CNTN5: variants seen among roughly 807,000 people sequenced by gnomAD.
The protein encoded by CNTN5 is contactin 5, also known as contactin-5.
A neutral mutation model predicts 129.1 loss-of-function variants in CNTN5; 77 were observed. The ratio of observed to expected loss-of-function variants is 0.60; its 90% CI spans 0.50 to 0.72. CNTN5 has a LOEUF of 0.72. CNTN5 is among the 30% of genes least tolerant of loss of function. CNTN5 has a pLI of 0.00. For synonymous variants in CNTN5, 509 were observed against 465.6 expected (o/e 1.09, Z -1.20); for missense variants, 1,478 against 1,328.8 (o/e 1.11, Z -1.75).
intron 3 of CNTN5, among the ~76,000 whole-genome samples, chr11:99,761,924 C>T (rs1202553878): frequency 9.3e-6 from 1 of 107,656 alleles, no homozygotes; most frequent in Non-Finnish European, 2.1e-5. Context: ...TCTCCAGCAC[C>T]TGTTGTTTCC....
intron 16 of CNTN5, among the ~76,000 whole-genome samples, chr11:100,239,391 T>C (rs528881508): frequency 1.3e-5 from 2 of 152,324 alleles, no homozygotes; most frequent in East Asian, 3.9e-4. Flanking sequence ...ATATCAGTGA[T>C]AATCATCACT....
chr11:99,772,671 A>G (rs1415577135), intron 3 of CNTN5, among the ~76,000 whole-genome samples: 1 of 152,100 alleles, frequency 6.6e-6, no homozygotes, highest in Non-Finnish European at 1.5e-5. Flanking sequence ...TTTCTTTTTC[A>G]TTTCAACATG....
intron 2 of CNTN5, among the ~76,000 whole-genome samples, chr11:99,454,820 G>T (rs1199564236): frequency 6.6e-6 from 1 of 151,822 alleles, no homozygotes; most frequent in Non-Finnish European, 1.5e-5. Context: ...TGGCTATGAA[G>T]GATACTGTGG....
intron 8 of CNTN5, among the ~76,000 whole-genome samples, chr11:99,974,669 G>A (rs1481963084): frequency 4.6e-5 from 7 of 152,136 alleles, no homozygotes; most frequent in Non-Finnish European, 7.3e-5. Context: ...TGATCTGTCG[G>A]AATGACAGAA....
In CNTN5 at chr11:99,325,151, A is replaced by G. The variant is rs1008412056; in HGVS notation, c.-209-195A>G. 2.6e-5 allele frequency among the ~76,000 whole-genome samples: 4 copies of G among 152,068 alleles called. No individual in the cohort carries two copies. The South Asian group carries it at 6.2e-4, about 24-fold the overall frequency. On this transcript the variant is annotated intron_variant, in intron 1 of 24. Coordinates refer to ENST00000524871, the MANE Select transcript of CNTN5 (RefSeq NM_014361.4). Reference sequence around the variant, plus strand: ...AATATAAATTATAAAGGAAAAATACATCTGAAAAAGCAACTACATAAATAT... The same window carrying G: ...AATATAAATTATAAAGGAAAAATACGTCTGAAAAAGCAACTACATAAATAT...
intron 3 of CNTN5, among the ~76,000 whole-genome samples, chr11:99,808,619 T>A (rs1385845967): frequency 6.6e-6 from 1 of 152,160 alleles, no homozygotes; most frequent in African/African-American, 2.4e-5. Context: ...GGGACTTCAA[T>A]AACTAACTCA....
At chr11:99,649,741 TA>T (rs1952087087) in intron 3 of CNTN5, among the ~76,000 whole-genome samples, 1 of 93,550 alleles carries the variant, frequency 1.1e-5, no homozygotes, top group Middle Eastern at 6.4e-3. Flanking sequence ...AGTGAAACAT[TA>T]AGTTTTTTTC....
intron 2 of CNTN5, among the ~76,000 whole-genome samples, chr11:99,545,247 G>T (rs17589744): frequency 6.6e-6 from 1 of 152,136 alleles, no homozygotes; most frequent in Admixed American, 6.5e-5. Context: ...CATTGCCTTG[G>T]AATTATTTAC....
chr11:99,716,130 C>G (rs609652), intron 3 of CNTN5, among the ~76,000 whole-genome samples: 42,537 of 151,848 alleles, frequency 0.28, 6,418 homozygotes, highest in Middle Eastern at 0.45. Flanking sequence ...ACTAATATGT[C>G]TCATATTTTC....
intron 3 of CNTN5, among the ~76,000 whole-genome samples, chr11:99,658,351 A>C (rs1952458936): frequency 6.6e-6 from 1 of 152,156 alleles, no homozygotes; most frequent in African/African-American, 2.4e-5. Context: ...ATAGAGTCAG[A>C]GCTAAAAGTC....
intron 1 of CNTN5, among the ~76,000 whole-genome samples, chr11:99,044,619 G>C (rs953998266): frequency 4.6e-5 from 7 of 152,114 alleles, no homozygotes; most frequent in African/African-American, 9.7e-5. Context: ...TTTTGCCACA[G>C]AATTCTGAGA....
chr11:99,117,563 T>C (rs899302362), intron 1 of CNTN5, among the ~76,000 whole-genome samples: 1 of 152,296 alleles, frequency 6.6e-6, no homozygotes, highest in East Asian at 1.9e-4. Context: ...TTAAATACAT[T>C]TTCACTCCCT....
chr11:99,438,589 A>G (rs549825209), intron 2 of CNTN5, among the ~76,000 whole-genome samples: 1 of 152,202 alleles, frequency 6.6e-6, no homozygotes, highest in Admixed American at 6.5e-5. Context: ...TTTCTAATTC[A>G]TATCATTTAT....
chr11:99,478,817 A>G (rs528989524), intron 2 of CNTN5, among the ~76,000 whole-genome samples: 49 of 152,316 alleles, frequency 3.2e-4, no homozygotes, highest in Middle Eastern at 6.8e-3. Flanking sequence ...TTAAAAATAT[A>G]CATGTGCATT....
At chr11:100,113,464 AAAAGAAAAAG>A (rs1428399399) in intron 13 of CNTN5, among the ~76,000 whole-genome samples, 10 of 148,202 alleles carry the variant, frequency 6.7e-5, no homozygotes, top group South Asian at 4.2e-4. Context: ...CAAGAAAGAA[AAAAGAAAAAG>A]AAAGAAAAAG....
At chr11:99,835,905 G>C (rs942508156) in intron 4 of CNTN5, among the ~76,000 whole-genome samples, 1 of 152,114 alleles carries the variant, frequency 6.6e-6, no homozygotes, top group Admixed American at 6.6e-5. Context: ...ATTGTTATAG[G>C]AAAGAGGTCC....
At position 99,623,188 on chromosome 11, in the gene CNTN5, A is replaced by G. The variant is rs183767458; in HGVS notation, c.55+66919A>G. On this transcript the variant is annotated intron_variant, in intron 3 of 24. Coordinates refer to ENST00000524871, the MANE Select transcript of CNTN5 (RefSeq NM_014361.4). ...TGGTACCTATTTACCGCTTAAAATT[A>G]TATTAGTTAGGGTCTTTTCAGCTGT... Among the ~76,000 whole-genome samples, 6 of 152,264 alleles carry G rather than the reference A, an allele frequency of 3.9e-5. No homozygotes were observed. The East Asian group carries it at 1.2e-3, about 29-fold the overall frequency.
intron 3 of CNTN5, among the ~76,000 whole-genome samples, chr11:99,619,500 A>G (rs956414478): frequency 5.3e-5 from 8 of 151,996 alleles, no homozygotes; most frequent in African/African-American, 1.9e-4. Context: ...ATCACCATCT[A>G]TCTCCAGAAA....
chr11:99,737,070 T>C (rs1328999563), intron 3 of CNTN5, among the ~76,000 whole-genome samples: 1 of 152,124 alleles, frequency 6.6e-6, no homozygotes, highest in Admixed American at 6.5e-5. Flanking sequence ...CTCCACGTTT[T>C]GCCCTCTTTT....
Sources: gnomAD v4.1 joint callset for allele counts (sites outside exome capture counted in the v4.1 genomes callset) on GRCh38, gnomAD v4.1.1 for gene constraint, MANE v1.5 for transcripts, NCBI Gene and HGNC (gene_info 2026-07-23, HGNC 2026-07-21) for gene names.